CTNNA2: variants seen among roughly 807,000 people sequenced by gnomAD.
CTNNA2 encodes the protein catenin alpha 2, also known as catenin alpha-2.
CTNNA2 carries 42 observed loss-of-function variants against 101.0 expected under a neutral mutation model. That is an observed-to-expected ratio of 0.42 (90% CI 0.32 to 0.54). CTNNA2 has a LOEUF of 0.54. Ranked by LOEUF, CTNNA2 falls within the 20% of genes least tolerant of loss-of-function variation. The probability of loss-of-function intolerance (pLI) is 0.14; values close to 1 mark genes in which losing one functional copy is unlikely to be tolerated. For synonymous variants in CTNNA2, 450 were observed against 456.4 expected (o/e 0.99, Z 0.18); for missense variants, 871 against 1,223.1 (o/e 0.71, Z 4.29).
At chr2:80,375,451 C>T (rs1054942058) in intron 7 of CTNNA2, among the ~76,000 whole-genome samples, 1 of 151,956 alleles carries the variant, frequency 6.6e-6, no homozygotes, top group Non-Finnish European at 1.5e-5. Flanking sequence ...GGCTTCTGTA[C>T]AGGTAATGAA....
intron 3 of CTNNA2, among the ~76,000 whole-genome samples, chr2:79,789,338 TG>T (rs1240403253): frequency 6.6e-5 from 10 of 152,004 alleles, no homozygotes; most frequent in Non-Finnish European, 1.0e-4. Flanking sequence ...GAGTGATGAG[TG>T]GGCCAGATTT....
chr2:79,278,727 T>C (rs1675282818), intron 2 of CTNNA2, among the ~76,000 whole-genome samples: 3 of 152,212 alleles, frequency 2.0e-5, no homozygotes, highest in South Asian at 4.1e-4. Flanking sequence ...TAGACCAACT[T>C]GAATTCCCTA....
At chr2:80,325,192 G>C (rs1679129698) in intron 7 of CTNNA2, among the ~76,000 whole-genome samples, 1 of 152,152 alleles carries the variant, frequency 6.6e-6, no homozygotes, top group South Asian at 2.1e-4. Flanking sequence ...TTGAACACTA[G>C]TGTTTCTAGA....
intron 18 of CTNNA2, among the ~76,000 whole-genome samples, chr2:80,628,163 A>G (rs777893129): frequency 3.9e-5 from 6 of 152,138 alleles, no homozygotes; most frequent in Non-Finnish European, 8.8e-5. Flanking sequence ...AGGAAGGATC[A>G]ATATTGTGAA....
intron 7 of CTNNA2, chr2:80,298,473 CCATG>C (rs1282102366): frequency 1.3e-5 from 2 of 152,152 alleles, no homozygotes; most frequent in African/African-American, 2.4e-5. Flanking sequence ...TTCTACTGGG[CCATG>C]TCAGATAGAC....
intron 7 of CTNNA2, among the ~76,000 whole-genome samples, chr2:80,252,119 G>A (rs929938636): frequency 6.6e-6 from 1 of 152,070 alleles, no homozygotes; most frequent in Non-Finnish European, 1.5e-5. Context: ...CATCCTATTA[G>A]ATATTACGGT....
At chr2:79,224,534 A>G (rs1000641231) in intron 2 of CTNNA2, among the ~76,000 whole-genome samples, 12 of 152,180 alleles carry the variant, frequency 7.9e-5, no homozygotes, top group African/African-American at 2.9e-4. Flanking sequence ...GCAGACATAT[A>G]TACAAATATT....
At chr2:79,488,123 A>G (rs1262406536) in intron 4 of CTNNA2, among the ~76,000 whole-genome samples, 1 of 152,036 alleles carries the variant, frequency 6.6e-6, no homozygotes, top group Non-Finnish European at 1.5e-5. Flanking sequence ...GTTCGAGACC[A>G]GCCTGATCAA....
chr2:80,549,223 C>T (rs757744164), intron 11 of CTNNA2, among the ~76,000 whole-genome samples: 19 of 152,142 alleles, frequency 1.2e-4, no homozygotes, highest in Non-Finnish European at 2.5e-4. Context: ...TGGCATTAAT[C>T]ATGTGACAGT....
At chr2:79,618,413 G>A (rs548043482) in intron 1 of CTNNA2, among the ~76,000 whole-genome samples, 1 of 152,056 alleles carries the variant, frequency 6.6e-6, no homozygotes, top group South Asian at 2.1e-4. Context: ...TTCCGAAGCA[G>A]CTCTTAGGTT....
chr2:79,325,745 G>C (rs1207821713), intron 3 of CTNNA2, among the ~76,000 whole-genome samples: 5 of 152,178 alleles, frequency 3.3e-5, no homozygotes, highest in African/African-American at 1.2e-4. Flanking sequence ...TTCTTTCATT[G>C]CACCTTGTTC....
chr2:80,532,842 AT>A (rs1029635834), intron 9 of CTNNA2, among the ~76,000 whole-genome samples: 1 of 152,106 alleles, frequency 6.6e-6, no homozygotes, highest in Admixed American at 6.6e-5. Flanking sequence ...AGTTACTTTG[AT>A]TAATCAATTA....
intron 2 of CTNNA2, among the ~76,000 whole-genome samples, chr2:79,244,824 G>A (rs1471137800): frequency 1.3e-5 from 2 of 152,228 alleles, no homozygotes; most frequent in Non-Finnish European, 2.9e-5. Context: ...GCAGTGCACA[G>A]TGGCTCACAC....
chr2:79,881,721 C>G (rs1683442349), intron 6 of CTNNA2, among the ~76,000 whole-genome samples: 1 of 151,484 alleles, frequency 6.6e-6, no homozygotes, highest in African/African-American at 2.4e-5. Context: ...AGATGGGTCT[C>G]CTGAATACAG....
In CTNNA2 at chr2:79,777,934, T is replaced by C. The variant is rs1213700816; in HGVS notation, c.298+33352T>C. 1.0e-4 allele frequency among the ~76,000 whole-genome samples: 15 copies of C among 145,452 alleles called. 1 individual carries two copies. Among genetic ancestry groups the C allele is most frequent in the Non-Finnish European group, 1.9e-4 (13 of 67,030 alleles). ...GTACTTGTCTTGCCAGAGACAAGAA[T>C]AAAAGGAAATGATTTATGTGAAATT... On this transcript the variant is annotated intron_variant, in intron 3 of 18. Transcript: ENST00000402739.
chr2:80,626,506 G>A (rs1455534506), intron 18 of CTNNA2, among the ~76,000 whole-genome samples: 1 of 151,998 alleles, frequency 6.6e-6, no homozygotes, highest in East Asian at 1.9e-4. Context: ...CATACATATG[G>A]TTTGCTGCAA....
intron 5 of CTNNA2, among the ~76,000 whole-genome samples, chr2:79,873,122 A>G (rs558132935): frequency 6.6e-6 from 1 of 152,220 alleles, no homozygotes. Context: ...GAAAATGATA[A>G]TTAAGGGACA....
chr2:80,119,086 C>T (rs2902111), intron 7 of CTNNA2, among the ~76,000 whole-genome samples: 37,158 of 152,046 alleles, frequency 0.24, 5,197 homozygotes, highest in East Asian at 0.51. Flanking sequence ...GGCAGAACCA[C>T]GGTTGTTTTA....
chr2:80,114,519 T>G (rs1003854090), intron 7 of CTNNA2, among the ~76,000 whole-genome samples: 1 of 152,208 alleles, frequency 6.6e-6, no homozygotes, highest in Non-Finnish European at 1.5e-5. Context: ...TCTGCTCATC[T>G]GACACCAAAA....
Sources: allele counts gnomAD v4.1 joint callset (sites outside exome capture counted in the v4.1 genomes callset), GRCh38; gene constraint gnomAD v4.1.1; transcripts MANE v1.5; gene names NCBI Gene and HGNC (gene_info 2026-07-23, HGNC 2026-07-21).